The following ZNF850 variants were observed in gnomAD, a reference collection of about 807,000 sequenced individuals.
ZNF850 encodes the protein putative zinc finger protein ENSP00000330994.
Under a neutral mutation model 11.9 loss-of-function variants are expected in ZNF850, and 2 were observed. The observed-to-expected ratio is 0.17, with a 90% confidence interval of 0.07 to 0.53. The LOEUF (loss-of-function observed/expected upper bound fraction) is 0.53, where lower values mean the gene tolerates loss of function less well. Ranked by LOEUF, ZNF850 falls within the 20% of genes least tolerant of loss-of-function variation. The pLI is 0.94. For synonymous variants in ZNF850, 381 were observed against 443.0 expected (o/e 0.86, Z 1.76); for missense variants, 1,014 against 1,316.4 (o/e 0.77, Z 3.55).
At chr19:36,771,157 A>G (rs2040579690) in intron 1 of ZNF850, among the ~76,000 whole-genome samples, 2 of 152,218 alleles carry the variant, frequency 1.3e-5, no homozygotes, top group African/African-American at 2.4e-5. Flanking sequence ...ATTAAGGAAC[A>G]GGGACACAAA....
chr19:36,766,143 C>T (rs868114707), intron 1 of ZNF850, among the ~76,000 whole-genome samples: 79 of 152,120 alleles, frequency 5.2e-4, no homozygotes, highest in Middle Eastern at 3.4e-3. Context: ...CCACCCAACT[C>T]GGCCTCCCAA....
At chr19:36,756,447 A>AT in intron 4 of ZNF850, among the ~76,000 whole-genome samples, 1 of 152,040 alleles carries the variant, frequency 6.6e-6, no homozygotes, top group Admixed American at 6.6e-5. Flanking sequence ...CTATGTGTGC[A>AT]TTTTTTTCTT....
At chr19:36,771,827 G>A (rs537115331) in intron 1 of ZNF850, among the ~76,000 whole-genome samples, 3 of 152,274 alleles carry the variant, frequency 2.0e-5, no homozygotes, top group Non-Finnish European at 4.4e-5. Flanking sequence ...CCAACCGCCT[G>A]ACTTCCTTAT....
intron 4 of ZNF850, among the ~76,000 whole-genome samples, chr19:36,754,405 G>C (rs1010048341): frequency 1.3e-5 from 2 of 151,884 alleles, no homozygotes; most frequent in African/African-American, 2.4e-5. Context: ...GGAATAAAGA[G>C]GATTACTACA....
intron 4 of ZNF850, among the ~76,000 whole-genome samples, chr19:36,758,311 G>A (rs1238761747): frequency 1.3e-5 from 2 of 152,130 alleles, no homozygotes; most frequent in Non-Finnish European, 2.9e-5. Flanking sequence ...TATTAAAAAT[G>A]GGAAAAAATT....
At chr19:36,759,344 G>A (rs760122971) in intron 4 of ZNF850, among the ~76,000 whole-genome samples, 8 of 152,022 alleles carry the variant, frequency 5.3e-5, no homozygotes, top group Non-Finnish European at 5.9e-5. Flanking sequence ...GTGTGGTGGT[G>A]TGTGCTTGTA....
intron 1 of ZNF850, among the ~76,000 whole-genome samples, chr19:36,770,411 G>T (rs1433212092): frequency 6.6e-6 from 1 of 152,086 alleles, no homozygotes; most frequent in African/African-American, 2.4e-5. Context: ...CATACAAAAA[G>T]CCAAAGGCTG....
Position 36,749,764 on chromosome 19 carries a change from A to C in ZNF850, c.1276T>G (p.Cys426Gly). 1 of 1,555,738 alleles carries C rather than the reference A, an allele frequency of 6.4e-7. No individual in the cohort carries two copies. Reference protein sequence around the residue: ...TGEKPYDCKECGKSFTAGSTL... With the variant: ...TGEKPYDCKEGGKSFTAGSTL... Reference sequence around the variant, plus strand: ...GAGCCAGCAGTAAAAGATTTTCCACATTCTTTACAATCATAGGGTTTCTCA... The same window carrying C: ...GAGCCAGCAGTAAAAGATTTTCCACCTTCTTTACAATCATAGGGTTTCTCA... Residue 426 changes from cysteine (C) to glycine (G), a missense_variant, in exon 5 of 5, where the codon TGT becomes GGT. Cys to Gly is a radical substitution (Grantham distance 159, BLOSUM62 -3). Transcript: ENST00000591344.
chr19:36,768,383 A>G (rs925319816), intron 1 of ZNF850, among the ~76,000 whole-genome samples: 7 of 152,192 alleles, frequency 4.6e-5, no homozygotes, highest in African/African-American at 1.7e-4. Context: ...AAAAGGAGGG[A>G]AGATTTAAAT....
At chr19:36,771,008 C>T (rs1568321558) in intron 1 of ZNF850, among the ~76,000 whole-genome samples, 1 of 152,086 alleles carries the variant, frequency 6.6e-6, no homozygotes, top group South Asian at 2.1e-4. Flanking sequence ...GAGATTAACA[C>T]CATCCCATAA....
chr19:36,758,381 T>C (rs34629452), intron 4 of ZNF850, among the ~76,000 whole-genome samples: 37,473 of 151,962 alleles, frequency 0.25, 4,696 homozygotes, highest in South Asian at 0.35. Flanking sequence ...AATTAAAAAG[T>C]TCTTTTTTTG....
chr19:36,750,119 T>A lies in ZNF850; in HGVS notation c.921A>T (p.Lys307Asn). 1.3e-6 allele frequency: 2 copies of A among 1,538,626 alleles called. No homozygotes were observed. Among genetic ancestry groups the A allele is most frequent in the East Asian group, 4.9e-5 (2 of 40,924 alleles). Residue 307 changes from lysine (K) to asparagine (N), a missense_variant, in exon 5 of 5, where the codon AAA (lysine) becomes AAT (asparagine). Lys to Asn is a moderately conservative substitution (Grantham distance 94). This residue lies in a region of ZNF850 where 835 missense variants were observed against 1,022.0 expected (regional missense o/e 0.82). Coordinates refer to ENST00000591344, the MANE Select transcript of ZNF850 (RefSeq NM_001193552.2). ...TTCCACATTGCTTACAATGATAGGG[T>A]TTCTCACCAGTGTGAATTTGCTGAT... ...NQHQQIHTGEKPYHCKQCGKS... is the reference protein window; with the variant it reads ...NQHQQIHTGENPYHCKQCGKS...
chr19:36,769,300 G>T (rs1248252047), intron 1 of ZNF850, among the ~76,000 whole-genome samples: 1 of 92,292 alleles, frequency 1.1e-5, no homozygotes, highest in Admixed American at 1.0e-4. Flanking sequence ...AAGAAAGAAA[G>T]AAAGAAAAAG....
rs56769461 is a variant in ZNF850 at position 36,747,635 on chromosome 19, C to CAA, written c.*130_*131dup. The stretch of plus-strand genomic sequence containing the variant: ...TGGGCGACAGAGCAAGACTCCGTCT[C>CAA]AAAAAAAAAAAAAAAAGTCGTAATT... On this transcript the variant is annotated 3_prime_UTR_variant, in exon 5 of 5. Coordinates refer to ENST00000591344, the MANE Select transcript of ZNF850 (RefSeq NM_001193552.2). 0.015 allele frequency: 11,655 copies of CAA among 758,592 alleles called. 357 individuals carry two copies. Among genetic ancestry groups the CAA allele is most frequent in the African/African-American group, 0.15 (6,260 of 41,742 alleles). The allele number at this position is 758,592 out of a possible 1,614,324, so 47.0% of individuals were successfully genotyped here. A position where few individuals can be genotyped will look rare whatever the true frequency, so the allele number is the denominator to read the frequency against.
At position 36,758,845 on chromosome 19, in the gene ZNF850, A is replaced by G. The variant is rs200496465; in HGVS notation, c.235+2798T>C. ...TGTAATCCCAGCATTTTGGGAGGCC[A>G]AGGCAGGCAGATCACGAGGTCAGGA... On this transcript the variant is annotated intron_variant, in intron 4 of 4. Coordinates refer to ENST00000591344, the MANE Select transcript of ZNF850 (RefSeq NM_001193552.2). Among the ~76,000 whole-genome samples the G allele has an allele frequency of 5.9e-5, 9 of 152,024 alleles. No individual in the cohort carries two copies. In the South Asian group the frequency reaches 8.3e-4, roughly 14 times the overall value.
In ZNF850 at chr19:36,749,452, C is replaced by A; in HGVS notation, c.1588G>T (p.Glu530Ter). 1 of 1,551,184 alleles carries A rather than the reference C, an allele frequency of 6.4e-7. No individual in the cohort carries two copies. The highest frequency in any genetic ancestry group is 8.7e-7 in the Non-Finnish European group (1 of 1,153,044). The change falls in exon 5 of 5, where the codon GAG becomes TAG. Residue 530 changes from glutamate (E) to a stop codon, truncating the protein, a stop_gained. Transcript: ENST00000591344. LOFTEE classifies it low-confidence loss of function (END_TRUNC). ...CATTCCTTACAATGATAGGGTTTCT[C>A]ACCAGTGTGAATTCGCTGATGTTGA... ...LLQHQRIHTGEKPYHCKECGK... is the reference protein window; with the variant it reads ...LLQHQRIHTG
At position 36,744,037 on chromosome 19, in the gene ZNF850, C is replaced by A. The variant is rs544390678; in HGVS notation, c.*3730G>T. The A allele has an allele frequency of 6.6e-6, 1 of 152,008 alleles. No homozygotes were observed. The highest frequency in any genetic ancestry group is 1.9e-4 in the East Asian group (1 of 5,170). The allele number at this position is 152,008 out of a possible 1,614,324, so 9.4% of individuals were successfully genotyped here. Reference sequence around the variant, plus strand: ...TATTAAAAATACAAAATTAGCCGGGCGTGGTGGTGCATGCCTGTAATCCCA... The same window carrying A: ...TATTAAAAATACAAAATTAGCCGGGAGTGGTGGTGCATGCCTGTAATCCCA... On this transcript the variant is annotated 3_prime_UTR_variant, in exon 5 of 5. Coordinates refer to ENST00000591344, the MANE Select transcript of ZNF850 (RefSeq NM_001193552.2).
At chr19:36,755,163 G>T (rs532275689) in intron 4 of ZNF850, among the ~76,000 whole-genome samples, 1 of 152,244 alleles carries the variant, frequency 6.6e-6, no homozygotes, top group East Asian at 1.9e-4. Context: ...AATGGGAAAA[G>T]AATTTAAATG....
At chr19:36,771,075 T>C (rs1193325862) in intron 1 of ZNF850, among the ~76,000 whole-genome samples, 1 of 152,238 alleles carries the variant, frequency 6.6e-6, no homozygotes, top group Non-Finnish European at 1.5e-5. Context: ...GAATATGCAC[T>C]AATCTCTGCA....
Sources: allele counts gnomAD v4.1 joint callset (sites outside exome capture counted in the v4.1 genomes callset), GRCh38; gene constraint gnomAD v4.1.1; regional missense constraint gnomAD v4.1.1; transcripts MANE v1.5; gene names NCBI Gene and HGNC (gene_info 2026-07-23, HGNC 2026-07-21).